TP73: variants seen among roughly 807,000 people sequenced by gnomAD.
TP73 encodes the protein tumor protein p73.
In TP73, 25 loss-of-function variants were observed where a neutral mutation model predicts 62.5. That is an observed-to-expected ratio of 0.40 (90% confidence interval 0.29 to 0.56). The LOEUF (loss-of-function observed/expected upper bound fraction) is 0.56. TP73 is among the 20% of genes least tolerant of loss of function. The pLI, the probability that TP73 is intolerant of heterozygous loss-of-function variation, is 0.46. For synonymous variants in TP73, 423 were observed against 377.5 expected (o/e 1.12, Z -1.40); for missense variants, 754 against 913.3 (o/e 0.83, Z 2.25).
chr1:3,680,945 G>A (rs1255883814), intron 1 of TP73, among the ~76,000 whole-genome samples: 1 of 152,254 alleles, frequency 6.6e-6, no homozygotes, highest in African/African-American at 2.4e-5. Context: ...AGCACTTACA[G>A]CCGTGTGACC....
Position 3,682,413 on chromosome 1 carries a change from G to T in TP73, c.48G>T (p.Glu16Asp). Residue 16 changes from glutamate (E) to aspartate (D), a missense_variant, in exon 2 of 14, where the codon GAG becomes GAT. By Grantham distance (45) the Glu-to-Asp change is conservative. Around this residue, in one of 3 missense-constraint regions of TP73, gnomAD observed 235 missense variants for 251.4 expected, o/e 0.93. Coordinates refer to ENST00000378295, the MANE Select transcript of TP73 (RefSeq NM_005427.4). ...ATSPDGGTTF[E>D]HLWSSLEPDS... ...CCCCTGATGGGGGCACCACGTTTGA[G>T]CACCTCTGGAGCTCTCTGTGAGTGC... 1.9e-6 allele frequency: 3 copies of T among 1,563,060 alleles called. 1 individual carries two copies. Among genetic ancestry groups the T allele is most frequent in the South Asian group, 2.3e-5 (2 of 85,136 alleles).
intron 4 of TP73, among the ~76,000 whole-genome samples, chr1:3,710,418 C>T (rs1300766351): frequency 2.0e-5 from 3 of 152,154 alleles, no homozygotes; most frequent in African/African-American, 4.8e-5. Flanking sequence ...AGAACGGGGC[C>T]GCCGGGCAGC....
chr1:3,729,587 AC>A, intron 10 of TP73, 139 bp downstream of exon 10: 1 of 1,443,898 alleles, frequency 6.9e-7, no homozygotes, highest in Non-Finnish European at 9.6e-7. Flanking sequence ...AGCAGAGCCC[AC>A]CCCACATCTC....
chr1:3,714,711 A>C (rs1205128188), intron 4 of TP73, among the ~76,000 whole-genome samples: 1 of 152,252 alleles, frequency 6.6e-6, no homozygotes, highest in African/African-American at 2.4e-5. Context: ...GGCCCAGGGC[A>C]GAGGCTGAGT....
At chr1:3,674,793 G>C (rs561380632) in intron 1 of TP73, among the ~76,000 whole-genome samples, 15 of 152,192 alleles carry the variant, frequency 9.9e-5, no homozygotes, top group Non-Finnish European at 2.1e-4. Context: ...CCAGGAGGCT[G>C]GGCTCTGATG....
intron 3 of TP73, among the ~76,000 whole-genome samples, chr1:3,700,132 GC>G (rs1456868427): frequency 2.6e-5 from 4 of 151,998 alleles, no homozygotes; most frequent in African/African-American, 4.8e-5. Flanking sequence ...GAGCATTTGT[GC>G]CCCGCCCTCC....
At chr1:3,705,010 C>T (rs941936687) in intron 3 of TP73, among the ~76,000 whole-genome samples, 17 of 152,186 alleles carry the variant, frequency 1.1e-4, no homozygotes, top group Non-Finnish European at 2.1e-4. Context: ...CCAGGAGAGG[C>T]GAGGGTCACC....
chr1:3,690,631 A>C, intron 3 of TP73: 7 of 1,326,318 alleles, frequency 5.3e-6, no homozygotes, highest in Non-Finnish European at 5.8e-6. Flanking sequence ...TTGGATGAAT[A>C]CTCATGAGGA....
rs182320695 is a variant in TP73 at position 3,701,489 on chromosome 1, G to A, written c.187-6060G>A. Among the ~76,000 whole-genome samples the A allele has an allele frequency of 1.1e-3, 166 of 152,126 alleles. No homozygotes were observed. The highest frequency in any genetic ancestry group is 6.8e-3 in the Middle Eastern group (2 of 294). On this transcript the variant is annotated intron_variant, in intron 3 of 13. Coordinates refer to ENST00000378295, the MANE Select transcript of TP73 (RefSeq NM_005427.4). The surrounding 1 kb of genome is among the most constrained non-coding windows in gnomAD (Gnocchi z 4.7). Reference sequence around the variant, plus strand: ...CTCTTGATCCCCACAACCATCCTACGAAGTCCACGTTGATTTCTTTTTTGG... The same window carrying A: ...CTCTTGATCCCCACAACCATCCTACAAAGTCCACGTTGATTTCTTTTTTGG...
rs113654873 is a variant in TP73 at position 3,709,158 on chromosome 1, C to A, written c.429+1367C>A. ...CTGGGTTCCAGGCCCCGCCCGCCCC[C>A]ACCTGCGGTTGTTTCTGATTCTCAC... is the stretch of plus-strand genomic sequence containing the variant. On this transcript the variant is annotated intron_variant, in intron 4 of 13. Transcript: ENST00000378295. 5.9e-3 allele frequency among the ~76,000 whole-genome samples: 899 copies of A among 152,304 alleles called. 11 individuals carry two copies. The highest frequency in any genetic ancestry group is 0.02 in the African/African-American group (825 of 41,576).
intron 4 of TP73, chr1:3,708,261 T>C: frequency 5.3e-6 from 1 of 187,386 alleles, no homozygotes; most frequent in East Asian, 1.4e-4. Flanking sequence ...GCTGGCACTG[T>C]CTCTGGAGTG....
rs1419066934 is a variant in TP73, at chr1:3,735,361, C to T, written c.*2282C>T. The T allele has an allele frequency of 1.3e-5, 2 of 152,074 alleles. No individual in the cohort carries two copies. The highest frequency in any genetic ancestry group is 4.8e-5 in the African/African-American group (2 of 41,370). The allele number at this position is 152,074 out of a possible 1,614,324, so 9.4% of individuals were successfully genotyped here. A position where few individuals can be genotyped will look rare whatever the true frequency, so the allele number is the denominator to read the frequency against. ...AGTCCAGTGAGGCTGTCCCAAGAGC[C>T]CCTGTAGTGTGCTCCTGGGAAGGGC... is the stretch of plus-strand genomic sequence containing the variant. On this transcript the variant is annotated 3_prime_UTR_variant, in exon 14 of 14. Transcript: ENST00000378295.
chr1:3,665,706 G>A (rs956250486), intron 1 of TP73, among the ~76,000 whole-genome samples: 1 of 148,494 alleles, frequency 6.7e-6, no homozygotes, highest in Non-Finnish European at 1.5e-5. Flanking sequence ...CCAGGCTGGA[G>A]TGCAGTGGCA....
At chr1:3,729,730 A>C in intron 10 of TP73, 2 of 748,880 alleles carry the variant, frequency 2.7e-6, no homozygotes, top group Non-Finnish European at 4.6e-6. Flanking sequence ...GGCCAGAGTG[A>C]CCATGACCCA....
At chr1:3,717,090 C>T (rs1438260206) in intron 4 of TP73, among the ~76,000 whole-genome samples, 5 of 152,256 alleles carry the variant, frequency 3.3e-5, no homozygotes, top group South Asian at 4.1e-4. Context: ...ACGGTATTTG[C>T]GGTTTGCAAG....
chr1:3,713,554 C>T (rs1346122697), intron 4 of TP73, among the ~76,000 whole-genome samples: 1 of 152,182 alleles, frequency 6.6e-6, no homozygotes, highest in East Asian at 1.9e-4. Flanking sequence ...GGGTTTCTGC[C>T]ACCCCAGGCC....
chr1:3,657,102 A>C (rs992666630), intron 1 of TP73, among the ~76,000 whole-genome samples: 1 of 152,238 alleles, frequency 6.6e-6, no homozygotes, highest in Non-Finnish European at 1.5e-5. Context: ...TATTAGGGTC[A>C]CTTTGTAAGT....
chr1:3,705,572 T>C (rs1486794957), intron 3 of TP73, among the ~76,000 whole-genome samples: 1 of 152,252 alleles, frequency 6.6e-6, no homozygotes, highest in East Asian at 1.9e-4. Flanking sequence ...GGGTCGCCCC[T>C]GACGGCTCAG....
chr1:3,725,239 G>C (rs1175845210), intron 6 of TP73, among the ~76,000 whole-genome samples: 5 of 152,114 alleles, frequency 3.3e-5, no homozygotes. Context: ...AGGGGAGAAG[G>C]TTGGGGCAAA....
Sources: gnomAD v4.1 joint callset for allele counts (sites outside exome capture counted in the v4.1 genomes callset) on GRCh38, gnomAD v4.1.1 for gene constraint, gnomAD v4.1.1 regional missense constraint, Gnocchi (gnomAD v3.1) non-coding constraint, MANE v1.5 for transcripts, NCBI Gene and HGNC (gene_info 2026-07-23, HGNC 2026-07-21) for gene names.